DPP10: variants seen among roughly 807,000 people sequenced by gnomAD.
DPP10 encodes dipeptidyl peptidase like 10, also known as inactive dipeptidyl peptidase 10.
In DPP10, 33 loss-of-function variants were observed where a neutral mutation model predicts 120.9. That is an observed-to-expected ratio of 0.27 (90% CI 0.21 to 0.37). DPP10 has a LOEUF of 0.37. Among genes scored for constraint, DPP10 ranks in the 10% least tolerant of loss-of-function variants. DPP10 has a pLI of 1.00. For synonymous variants in DPP10, 337 were observed against 326.1 expected (o/e 1.03, Z -0.36); for missense variants, 816 against 942.8 (o/e 0.87, Z 1.76).
At chr2:115,802,983 C>A (rs184144649) in intron 19 of DPP10, among the ~76,000 whole-genome samples, 2,771 of 152,142 alleles carry the variant, frequency 0.018, 87 homozygotes, top group African/African-American at 0.061. Context: ...TTCTGGATAT[C>A]CTTGTTAACT....
At chr2:114,915,910 T>G (rs1397278832) in intron 1 of DPP10, among the ~76,000 whole-genome samples, 4 of 152,036 alleles carry the variant, frequency 2.6e-5, no homozygotes, top group Non-Finnish European at 5.9e-5. Context: ...AAATTAACAG[T>G]TCTAACATCA....
intron 1 of DPP10, among the ~76,000 whole-genome samples, chr2:115,249,106 T>G (rs1468645418): frequency 6.6e-6 from 1 of 152,154 alleles, no homozygotes; most frequent in Non-Finnish European, 1.5e-5. Flanking sequence ...AAACTCATTT[T>G]TTTCAGAGAA....
At chr2:115,668,948 T>C (rs535972695) in intron 5 of DPP10, among the ~76,000 whole-genome samples, 1 of 152,286 alleles carries the variant, frequency 6.6e-6, no homozygotes, top group East Asian at 1.9e-4. Context: ...ATAAACTTAT[T>C]TAATAATCTG....
intron 5 of DPP10, among the ~76,000 whole-genome samples, chr2:115,537,530 A>G (rs985793394): frequency 3.5e-5 from 5 of 144,350 alleles, no homozygotes; most frequent in Non-Finnish European, 7.5e-5. Flanking sequence ...AAACATAGTT[A>G]TTGCACCCTG....
intron 1 of DPP10, among the ~76,000 whole-genome samples, chr2:114,473,797 AGTAAT>A (rs1398375632): frequency 1.3e-5 from 2 of 152,240 alleles, no homozygotes; most frequent in African/African-American, 4.8e-5. Context: ...GTAGCTTGCA[AGTAAT>A]GTAAACACTG....
rs1683077400 is a variant in DPP10 at position 114,789,662 on chromosome 2, AAG to A, written c.60+346830_60+346831del. The stretch of plus-strand genomic sequence containing the variant: ...GAGCCTGAAGTACGTGAGGTATGGA[AAG>A]AGAGACGACAGAAAAAGAAATCACC... On this transcript the variant is annotated intron_variant, in intron 1 of 25. Transcript: ENST00000410059. Among the ~76,000 whole-genome samples the A allele has an allele frequency of 2.6e-5, 4 of 152,226 alleles. No individual in the cohort carries two copies. The South Asian group carries it at 8.3e-4, about 32-fold the overall frequency.
intron 1 of DPP10, among the ~76,000 whole-genome samples, chr2:114,557,607 G>A (rs963883945): frequency 6.6e-6 from 1 of 152,178 alleles, no homozygotes; most frequent in Non-Finnish European, 1.5e-5. Context: ...TTTGTGTCAT[G>A]TGCTTTTGCC....
intron 1 of DPP10, among the ~76,000 whole-genome samples, chr2:115,139,379 C>T (rs543734203): frequency 2.0e-5 from 3 of 151,930 alleles, no homozygotes; most frequent in African/African-American, 2.4e-5. Context: ...AGTTATTTCA[C>T]GTAAATCATC....
intron 1 of DPP10, among the ~76,000 whole-genome samples, chr2:115,288,230 A>G (rs764810111): frequency 4.6e-5 from 7 of 151,588 alleles, no homozygotes; most frequent in Non-Finnish European, 7.4e-5. Context: ...TTCTGGCTGG[A>G]GTAAGGTGGT....
intron 5 of DPP10, among the ~76,000 whole-genome samples, chr2:115,646,655 T>C (rs971816231): frequency 2.0e-4 from 31 of 152,174 alleles, no homozygotes; most frequent in African/African-American, 7.2e-4. Flanking sequence ...AAAAACATTC[T>C]TAGGACTTTT....
chr2:114,524,349 C>T (rs1033150553), intron 1 of DPP10, among the ~76,000 whole-genome samples: 10 of 152,168 alleles, frequency 6.6e-5, no homozygotes, highest in South Asian at 2.1e-4. Context: ...TCCCAGATAA[C>T]GCAGGATCCC....
intron 1 of DPP10, among the ~76,000 whole-genome samples, chr2:114,450,843 C>T (rs944767477): frequency 6.6e-6 from 1 of 151,878 alleles, no homozygotes; most frequent in African/African-American, 2.4e-5. Context: ...GTATAGCAGA[C>T]ACAGGTTACT....
intron 1 of DPP10, among the ~76,000 whole-genome samples, chr2:115,267,217 A>G (rs1384549833): frequency 1.3e-5 from 2 of 152,200 alleles, no homozygotes; most frequent in African/African-American, 2.4e-5. Context: ...TGAGATGTCC[A>G]TAAGTGCCTC....
chr2:115,800,904 A>T (rs1209452842), intron 19 of DPP10, among the ~76,000 whole-genome samples: 1 of 151,464 alleles, frequency 6.6e-6, no homozygotes, highest in Non-Finnish European at 1.5e-5. Flanking sequence ...CTTAGGATTG[A>T]CTTGGCAATG....
chr2:114,925,423 A>G (rs1309328746), intron 1 of DPP10, among the ~76,000 whole-genome samples: 1 of 152,178 alleles, frequency 6.6e-6, no homozygotes, highest in Non-Finnish European at 1.5e-5. Flanking sequence ...TCACTTTGCA[A>G]TCAGGCTGTG....
chr2:115,638,249 T>C (rs567028882), intron 5 of DPP10, among the ~76,000 whole-genome samples: 1 of 152,328 alleles, frequency 6.6e-6, no homozygotes, highest in African/African-American at 2.4e-5. Flanking sequence ...AGTGTGCATT[T>C]ACTAAAACTG....
In DPP10 at chr2:115,025,766, T is replaced by G. The variant is rs151179921; in HGVS notation, c.61-283473T>G. Among the ~76,000 whole-genome samples, 12 of 152,196 alleles carry G rather than the reference T, an allele frequency of 7.9e-5. No individual in the cohort carries two copies. In the South Asian group the frequency reaches 2.5e-3, roughly 32 times the overall value. On this transcript the variant is annotated intron_variant, in intron 1 of 25. Coordinates refer to ENST00000410059, the MANE Select transcript of DPP10 (RefSeq NM_020868.6). ...TTTTTATGATCAGTGATGTTGAGCTTTTTTTTATATATACCTCTTGGTCAT... is the reference window on the plus strand; with the variant it reads ...TTTTTATGATCAGTGATGTTGAGCTGTTTTTTATATATACCTCTTGGTCAT...
At chr2:115,210,804 G>A (rs969486219) in intron 1 of DPP10, among the ~76,000 whole-genome samples, 1 of 152,042 alleles carries the variant, frequency 6.6e-6, no homozygotes, top group Non-Finnish European at 1.5e-5. Flanking sequence ...TCTGTTGGCT[G>A]CATAAATGTC....
At chr2:114,660,579 CT>C (rs1697325965) in intron 1 of DPP10, among the ~76,000 whole-genome samples, 1 of 152,182 alleles carries the variant, frequency 6.6e-6, no homozygotes, top group Non-Finnish European at 1.5e-5. Context: ...TGATTCCTGA[CT>C]TTGAAACTCA....
Sources: allele counts gnomAD v4.1 joint callset (sites outside exome capture counted in the v4.1 genomes callset), GRCh38; gene constraint gnomAD v4.1.1; transcripts MANE v1.5; gene names NCBI Gene and HGNC (gene_info 2026-07-23, HGNC 2026-07-21).